GABRB1: variants seen among roughly 807,000 people sequenced by gnomAD.
GABRB1 encodes gamma-aminobutyric acid type A receptor subunit beta1.
Under a neutral mutation model 51.6 loss-of-function variants are expected in GABRB1, and 17 were observed. The ratio of observed to expected loss-of-function variants is 0.33; its 90% confidence interval spans 0.23 to 0.49. The LOEUF (loss-of-function observed/expected upper bound fraction) is 0.49, where lower values mean the gene tolerates loss of function less well. Ranked by LOEUF, GABRB1 falls within the 20% of genes least tolerant of loss-of-function variation. The pLI, the probability that GABRB1 is intolerant of heterozygous loss-of-function variation, is 0.99. For synonymous variants in GABRB1, 247 were observed against 218.9 expected, an observed-to-expected ratio of 1.13 and a Z score of -1.14; for missense variants, 410 against 600.6, an observed-to-expected ratio of 0.68 and a Z score of 3.32.
intron 5 of GABRB1, among the ~76,000 whole-genome samples, chr4:47,384,387 C>A (rs1324105399): frequency 3.4e-5 from 5 of 149,140 alleles, no homozygotes; most frequent in African/African-American, 9.9e-5. Context: ...ATCAGAATTT[C>A]TCAGTGAAAA....
chr4:47,105,454 G>T (rs1175958044), intron 3 of GABRB1, among the ~76,000 whole-genome samples: 2 of 152,090 alleles, frequency 1.3e-5, no homozygotes, highest in African/African-American at 2.4e-5. Context: ...TTAGGCAGGT[G>T]CTTGCTTTGG....
chr4:47,199,643 G>A (rs1330294115), intron 4 of GABRB1, among the ~76,000 whole-genome samples: 7 of 152,134 alleles, frequency 4.6e-5, no homozygotes. Context: ...ATGGAGTTAG[G>A]ACACAAGGTG....
chr4:47,393,730 G>T (rs946642133), intron 5 of GABRB1, among the ~76,000 whole-genome samples: 4 of 152,080 alleles, frequency 2.6e-5, no homozygotes, highest in African/African-American at 4.8e-5. Flanking sequence ...TGCCAGGCAG[G>T]CCTGCTCTAC....
At chr4:47,353,251 C>G (rs960436555) in intron 5 of GABRB1, among the ~76,000 whole-genome samples, 1 of 152,128 alleles carries the variant, frequency 6.6e-6, no homozygotes, top group Admixed American at 6.6e-5. Context: ...GGAGACACAG[C>G]CAAACCATAT....
chr4:47,000,600 ATAATTTGAAGG>A (rs1724149461), intron 1 of GABRB1, among the ~76,000 whole-genome samples: 1 of 152,192 alleles, frequency 6.6e-6, no homozygotes, highest in South Asian at 2.1e-4. Context: ...TGGGGCTGGC[ATAATTTGAAGG>A]TTTGACTGAG....
At chr4:47,245,295 A>C (rs1467100678) in intron 4 of GABRB1, among the ~76,000 whole-genome samples, 2 of 152,198 alleles carry the variant, frequency 1.3e-5, no homozygotes, top group Non-Finnish European at 2.9e-5. Flanking sequence ...CTTGCAATAA[A>C]AAATATCAAG....
intron 4 of GABRB1, among the ~76,000 whole-genome samples, chr4:47,171,687 C>T (rs529458006): frequency 4.6e-5 from 7 of 152,124 alleles, no homozygotes; most frequent in South Asian, 2.1e-4. Context: ...ATCTAAGCAA[C>T]GCATTTTATT....
intron 4 of GABRB1, among the ~76,000 whole-genome samples, chr4:47,252,671 C>T (rs1722041437): frequency 6.6e-6 from 1 of 151,810 alleles, no homozygotes; most frequent in Non-Finnish European, 1.5e-5. Flanking sequence ...CCATGCCTGG[C>T]TAATTTTTGT....
rs922418838 is a variant in GABRB1, at chr4:46,994,683, G to A, written c.-20+757G>A. Among the ~76,000 whole-genome samples, 27 of 152,086 alleles carry A rather than the reference G, an allele frequency of 1.8e-4. 1 individual carries two copies. The highest frequency in any genetic ancestry group is 3.7e-4 in the Non-Finnish European group (25 of 68,012). On this transcript the variant is annotated intron_variant, in intron 1 of 3. Transcript: ENST00000513567. ...AGATAAGCATTCCCAATAGATCTTT[G>A]GAAACATTAATTATTGGCTCCAAGG...
At chr4:46,996,856 C>T (rs1724015897) in intron 1 of GABRB1, among the ~76,000 whole-genome samples, 1 of 152,012 alleles carries the variant, frequency 6.6e-6, no homozygotes, top group Admixed American at 6.5e-5. Flanking sequence ...CAACCTGTTC[C>T]TCTTTTCTTT....
intron 1 of GABRB1, among the ~76,000 whole-genome samples, chr4:47,006,774 T>G (rs752371854): frequency 2.0e-5 from 3 of 152,198 alleles, no homozygotes; most frequent in Non-Finnish European, 4.4e-5. Context: ...ATTTAAATAA[T>G]TGCATTATAT....
At chr4:47,259,323 G>A (rs529918338) in intron 4 of GABRB1, among the ~76,000 whole-genome samples, 98 of 152,230 alleles carry the variant, frequency 6.4e-4, no homozygotes, top group African/African-American at 2.3e-3. Flanking sequence ...CTTGGCAAAT[G>A]AGGGAGAAAA....
chr4:47,305,066 G>C (rs1399493432), intron 4 of GABRB1, among the ~76,000 whole-genome samples: 1 of 151,994 alleles, frequency 6.6e-6, no homozygotes, highest in Non-Finnish European at 1.5e-5. Flanking sequence ...TGTACTTCGA[G>C]GCCCTAATCT....
chr4:47,023,266 A>T (rs1285588003), intron 1 of GABRB1, among the ~76,000 whole-genome samples: 1 of 152,044 alleles, frequency 6.6e-6, no homozygotes, highest in East Asian at 1.9e-4. Flanking sequence ...TTGATAGCAG[A>T]ATAAGGAGAC....
intron 3 of GABRB1, among the ~76,000 whole-genome samples, chr4:47,131,651 A>T (rs1374780933): frequency 6.6e-6 from 1 of 152,176 alleles, no homozygotes; most frequent in Non-Finnish European, 1.5e-5. Flanking sequence ...GAATGCAGAA[A>T]ATATTCAATG....
At chr4:47,255,234 A>T (rs1288002267) in intron 4 of GABRB1, among the ~76,000 whole-genome samples, 2 of 152,350 alleles carry the variant, frequency 1.3e-5, no homozygotes, top group South Asian at 4.1e-4. Context: ...CCATTTAAAT[A>T]GAGTTCACAT....
intron 1 of GABRB1, among the ~76,000 whole-genome samples, chr4:47,000,891 G>A (rs1724158242): frequency 6.6e-6 from 1 of 152,160 alleles, no homozygotes; most frequent in East Asian, 1.9e-4. Context: ...GTCAGAGCAG[G>A]TAACAGGGTC....
intron 4 of GABRB1, among the ~76,000 whole-genome samples, chr4:47,255,474 G>A (rs918176367): frequency 1.3e-5 from 2 of 152,194 alleles, no homozygotes; most frequent in African/African-American, 4.8e-5. Context: ...GGAAACTAAA[G>A]TTAATTTGTT....
At chr4:47,320,327 T>C (rs1376273640) in intron 5 of GABRB1, 118 bp downstream of exon 5, 24 of 715,396 alleles carry the variant, frequency 3.4e-5, no homozygotes, top group South Asian at 1.9e-4. Flanking sequence ...CTGATAAGTT[T>C]TCAAAGGGTT....
Sources: gnomAD v4.1 joint callset for allele counts (sites outside exome capture counted in the v4.1 genomes callset) on GRCh38, gnomAD v4.1.1 for gene constraint, MANE v1.5 for transcripts, NCBI Gene and HGNC (gene_info 2026-07-23, HGNC 2026-07-21) for gene names.